NKIRAS1: variants seen among roughly 807,000 people sequenced by gnomAD.
NKIRAS1 encodes NFKB inhibitor interacting Ras like 1.
In NKIRAS1, 16 loss-of-function variants were observed where a neutral mutation model predicts 19.8. The ratio of observed to expected loss-of-function variants is 0.81; its 90% CI spans 0.55 to 1.23. The LOEUF (loss-of-function observed/expected upper bound fraction) is 1.23. Among genes scored for constraint, NKIRAS1 ranks in the 50% most tolerant of loss-of-function variants. The pLI is 0.00. For missense variants in NKIRAS1, 184 were observed against 220.0 expected, an observed-to-expected ratio of 0.84 and a Z score of 1.04; for synonymous variants, 88 against 79.0, an observed-to-expected ratio of 1.11 and a Z score of -0.61.
intron 3 of NKIRAS1, among the ~76,000 whole-genome samples, chr3:23,905,449 A>T (rs940062548): frequency 2.0e-5 from 3 of 152,218 alleles, no homozygotes; most frequent in African/African-American, 7.2e-5. Flanking sequence ...TTTTTGACCT[A>T]GAGTTCCATA....
chr3:23,945,749 C>T, intron 1 of NKIRAS1, among the ~76,000 whole-genome samples: 1 of 150,308 alleles, frequency 6.7e-6, no homozygotes, highest in East Asian at 2.0e-4. Context: ...CGGTTCCCAT[C>T]GCCCCCCGGG....
rs376176659 is a variant in NKIRAS1, at chr3:23,899,850, T to C, written c.336+958A>G. Among the ~76,000 whole-genome samples, 5 of 152,298 alleles carry C rather than the reference T, an allele frequency of 3.3e-5. No individual in the cohort carries two copies. In the East Asian group the frequency reaches 5.8e-4, roughly 18 times the overall value. The stretch of plus-strand genomic sequence containing the variant: ...GGTAAGCCTGAAGACAAGAATCCTA[T>C]GTACCCAAGGAGATAATAAAAAGCC... On this transcript the variant is annotated intron_variant, in intron 4 of 4. Transcript: ENST00000425478.
chr3:23,932,990 A>G (rs143445632), intron 1 of NKIRAS1, among the ~76,000 whole-genome samples: 30 of 152,274 alleles, frequency 2.0e-4, no homozygotes, highest in African/African-American at 7.2e-4. Context: ...TAAGGTTGCA[A>G]ATCAGCTGAC....
chr3:23,899,031 C>T (rs1043902537), intron 4 of NKIRAS1, among the ~76,000 whole-genome samples: 1 of 152,180 alleles, frequency 6.6e-6, no homozygotes, highest in African/African-American at 2.4e-5. Context: ...CACCCCATCT[C>T]CATCTGTGGA....
At chr3:23,910,159 T>C (rs1022078799) in intron 3 of NKIRAS1, among the ~76,000 whole-genome samples, 9 of 145,298 alleles carry the variant, frequency 6.2e-5, no homozygotes, top group Admixed American at 5.5e-4. Context: ...GCTCGGCCTT[T>C]TTTTTTTTTT....
At chr3:23,929,215 T>A (rs1215049099) in intron 1 of NKIRAS1, among the ~76,000 whole-genome samples, 1 of 150,356 alleles carries the variant, frequency 6.7e-6, no homozygotes, top group Non-Finnish European at 1.5e-5. Context: ...TACAAAAAAA[T>A]TAGCAGGGCA....
chr3:23,899,803 T>A (rs1413684587), intron 4 of NKIRAS1, among the ~76,000 whole-genome samples: 1 of 152,214 alleles, frequency 6.6e-6, no homozygotes, highest in Non-Finnish European at 1.5e-5. Flanking sequence ...TAGAATCCAA[T>A]AATTATTAGG....
intron 1 of NKIRAS1, chr3:23,916,490 T>C (rs371674127): frequency 5.3e-5 from 8 of 152,270 alleles, no homozygotes; most frequent in African/African-American, 1.7e-4. Flanking sequence ...CCGCCCGCAA[T>C]CCACCCACTC....
intron 4 of NKIRAS1, among the ~76,000 whole-genome samples, chr3:23,895,039 C>T (rs1043469742): frequency 3.3e-5 from 5 of 152,078 alleles, no homozygotes; most frequent in African/African-American, 1.2e-4. Context: ...TATCCTAGAC[C>T]TTGTTTTGTT....
chr3:23,945,602 C>T (rs1705639435), intron 1 of NKIRAS1: 3 of 1,173,194 alleles, frequency 2.6e-6, no homozygotes, highest in Non-Finnish European at 3.2e-6. Flanking sequence ...CAGGTAAGAA[C>T]CGGACTGCGG....
In NKIRAS1 at chr3:23,922,834, T is replaced by A. The variant is rs566497833; in HGVS notation, c.-139-11384A>T. On this transcript the variant is annotated intron_variant, in intron 1 of 4. Transcript: ENST00000421515. The surrounding 1 kb of genome is among the most constrained non-coding windows in gnomAD (Gnocchi z 4.2). ...AATATTTTTTTATTTTGAGACAGGG[T>A]CTCACTGTTGCCCAGGCTGGAGTGT... 2.0e-5 allele frequency: 3 copies of A among 152,210 alleles called. No homozygotes were observed. In the South Asian group the frequency reaches 6.2e-4, roughly 32 times the overall value. 9.4% of individuals were successfully genotyped at this position (152,210 alleles called of 1,614,324 possible). A position where few individuals can be genotyped will look rare whatever the true frequency, so the allele number is the denominator to read the frequency against.
At chr3:23,942,182 T>A (rs982014127) in intron 1 of NKIRAS1, among the ~76,000 whole-genome samples, 52 of 152,120 alleles carry the variant, frequency 3.4e-4, no homozygotes, top group Non-Finnish European at 1.5e-4. Flanking sequence ...TTTTGTCAAG[T>A]TGGCCAGGCT....
chr3:23,945,501 CGCGGCGCTGAGGCGGCGGCG>C lies in NKIRAS1; in HGVS notation c.-140+802_-140+821del, dbSNP rs1388029936. The C allele has an allele frequency of 4.4e-4, 403 of 914,102 alleles. 2 individuals carry two copies. The highest frequency in any genetic ancestry group is 2.6e-4 in the South Asian group (5 of 18,886). The allele number at this position is 914,102 out of a possible 1,614,324, so 56.6% of individuals were successfully genotyped here. A position where few individuals can be genotyped will look rare whatever the true frequency, so the allele number is the denominator to read the frequency against. ...CACCGCTGCTTCCAGCCCGGGGCGGCGCGGCGCTGAGGCGGCGGCGGCGGCGCTGCCCCCTCTGCGGGAAG... is the reference window on the plus strand; with the variant it reads ...CACCGCTGCTTCCAGCCCGGGGCGGCGCGGCGCTGCCCCCTCTGCGGGAAG... On this transcript the variant is annotated intron_variant, in intron 1 of 4. Coordinates refer to the NKIRAS1 transcript ENST00000421515.
Position 23,890,744 on chromosome 3 carries a change from A to C in NKIRAS1, c.*2351T>G. 1.3e-6 allele frequency: 1 copy of C among 753,002 alleles called. No individual in the cohort carries two copies. 46.6% of individuals were successfully genotyped at this position (753,002 alleles called of 1,614,324 possible). On this transcript the variant is annotated 3_prime_UTR_variant, in exon 5 of 5. Coordinates refer to ENST00000425478, the MANE Select transcript of NKIRAS1 (RefSeq NM_020345.4). ...AGATATTATTCAGTCTTATTTCCTAAGATTTTGTTGTAACTTAAGGTATCT... is the reference window on the plus strand; with the variant it reads ...AGATATTATTCAGTCTTATTTCCTACGATTTTGTTGTAACTTAAGGTATCT...
intron 1 of NKIRAS1, chr3:23,923,592 C>A (rs1371646483): frequency 6.6e-6 from 1 of 152,040 alleles, no homozygotes; most frequent in East Asian, 1.9e-4. Flanking sequence ...GGATGTGGAC[C>A]CTCCTGATGG....
intron 1 of NKIRAS1, 45 bp downstream of exon 1, chr3:23,916,739 C>CGCGGAGAT (rs1704551540): frequency 6.6e-6 from 1 of 152,616 alleles, no homozygotes; most frequent in Non-Finnish European, 1.5e-5. Flanking sequence ...GACGCGGAGA[C>CGCGGAGAT]GCAGAGACTC....
intron 1 of NKIRAS1, among the ~76,000 whole-genome samples, chr3:23,944,842 T>TG (rs1279366117): frequency 1.3e-4 from 1 of 7,624 alleles, no homozygotes; most frequent in East Asian, 7.8e-3. Flanking sequence ...GAGCGGGGGG[T>TG]GGGGGTGGGG....
At chr3:23,941,146 G>T (rs546425896) in intron 1 of NKIRAS1, among the ~76,000 whole-genome samples, 44 of 152,182 alleles carry the variant, frequency 2.9e-4, no homozygotes, top group Non-Finnish European at 5.7e-4. Flanking sequence ...GAGCTAGCAG[G>T]ACTCATTGGA....
intron 3 of NKIRAS1, among the ~76,000 whole-genome samples, chr3:23,910,381 CT>C (rs1703574402): frequency 6.7e-6 from 1 of 148,438 alleles, no homozygotes; most frequent in South Asian, 2.2e-4. Flanking sequence ...TCTTGAACTC[CT>C]GACATCAGGT....
Sources: allele counts gnomAD v4.1 joint callset (sites outside exome capture counted in the v4.1 genomes callset), GRCh38; gene constraint gnomAD v4.1.1; non-coding constraint Gnocchi (gnomAD v3.1); transcripts MANE v1.5; gene names NCBI Gene and HGNC (gene_info 2026-07-23, HGNC 2026-07-21).